PPP1R12B: variants seen among roughly 807,000 people sequenced by gnomAD.
The protein encoded by PPP1R12B is protein phosphatase 1 regulatory subunit 12B, also known as myosin phosphatase target subunit 2.
PPP1R12B carries 76 observed loss-of-function variants against 126.1 expected under a neutral mutation model. That is an observed-to-expected ratio of 0.60 (90% CI 0.50 to 0.73). The LOEUF is 0.73. Among genes scored for constraint, PPP1R12B ranks in the 30% least tolerant of loss-of-function variants. The pLI is 0.00. For synonymous variants in PPP1R12B, 356 were observed against 434.7 expected (o/e 0.82, Z 2.25); for missense variants, 1,052 against 1,205.1 (o/e 0.87, Z 1.88).
At chr1:202,441,931 A>G (rs767997951) in intron 11 of PPP1R12B, among the ~76,000 whole-genome samples, 31 of 151,726 alleles carry the variant, frequency 2.0e-4, no homozygotes, top group Non-Finnish European at 2.9e-5. Context: ...ATCTTGGCTC[A>G]TTGCAGCCTC....
chr1:202,516,850 T>G (rs1364960390), intron 18 of PPP1R12B, among the ~76,000 whole-genome samples: 1 of 152,256 alleles, frequency 6.6e-6, no homozygotes, highest in Non-Finnish European at 1.5e-5. Context: ...ATACTTCTGC[T>G]GCAAAGGAGC....
chr1:202,445,006 C>T, intron 12 of PPP1R12B: 2 of 1,243,982 alleles, frequency 1.6e-6, no homozygotes, highest in Non-Finnish European at 1.0e-6. Context: ...GGTGGGTGAG[C>T]AGCATGTCCT....
intron 1 of PPP1R12B, among the ~76,000 whole-genome samples, chr1:202,353,737 A>G (rs1039861041): frequency 7.2e-5 from 11 of 151,732 alleles, no homozygotes; most frequent in African/African-American, 2.7e-4. Context: ...CAGCCTCCTT[A>G]GTAACTGGGA....
intron 18 of PPP1R12B, among the ~76,000 whole-genome samples, chr1:202,555,436 C>A (rs1189672941): frequency 1.2e-5 from 1 of 86,718 alleles, no homozygotes; most frequent in Non-Finnish European, 2.3e-5. Context: ...TCTTACCCAA[C>A]AAATAGGATA....
chr1:202,405,384 A>G (rs1666460494), intron 1 of PPP1R12B, among the ~76,000 whole-genome samples: 1 of 152,198 alleles, frequency 6.6e-6, no homozygotes, highest in Non-Finnish European at 1.5e-5. Context: ...AGGAACTTAC[A>G]TAGAGCTTAT....
At chr1:202,456,135 G>A (rs2148740000) in intron 13 of PPP1R12B, among the ~76,000 whole-genome samples, 1 of 152,074 alleles carries the variant, frequency 6.6e-6, no homozygotes, top group Admixed American at 6.5e-5. Flanking sequence ...CAGGAGTGGT[G>A]ATGCACGCCT....
intron 12 of PPP1R12B, among the ~76,000 whole-genome samples, chr1:202,447,316 G>T (rs1572068128): frequency 6.6e-6 from 1 of 152,264 alleles, no homozygotes; most frequent in Non-Finnish European, 1.5e-5. Flanking sequence ...AGCTAGTGAG[G>T]GCCTGAGATA....
chr1:202,499,198 G>T (rs1679919963), intron 18 of PPP1R12B, among the ~76,000 whole-genome samples: 1 of 152,160 alleles, frequency 6.6e-6, no homozygotes, highest in Non-Finnish European at 1.5e-5. Flanking sequence ...AATCAGAAGA[G>T]TGGTTGCCTC....
intron 13 of PPP1R12B, among the ~76,000 whole-genome samples, chr1:202,479,871 A>C (rs192841470): frequency 4.3e-4 from 65 of 152,338 alleles, no homozygotes; most frequent in Admixed American, 7.8e-4. Flanking sequence ...AGTGGTTCTG[A>C]TACAAGTGAA....
intron 13 of PPP1R12B, among the ~76,000 whole-genome samples, chr1:202,477,238 G>A (rs1676784453): frequency 6.6e-6 from 1 of 152,130 alleles, no homozygotes; most frequent in Admixed American, 6.5e-5. Context: ...CGTGTGCCAG[G>A]TTCTATTCTA....
intron 23 of PPP1R12B, among the ~76,000 whole-genome samples, chr1:202,579,044 A>G (rs1321893586): frequency 6.6e-6 from 1 of 152,198 alleles, no homozygotes; most frequent in Non-Finnish European, 1.5e-5. Flanking sequence ...CGGGATAACA[A>G]CTGTATCATA....
chr1:202,433,543 C>T (rs1670445451), intron 8 of PPP1R12B, among the ~76,000 whole-genome samples: 1 of 152,188 alleles, frequency 6.6e-6, no homozygotes. Context: ...TCTAGCTGAC[C>T]TTTCCAATGC....
chr1:202,363,126 A>T (rs1479352442), intron 1 of PPP1R12B, among the ~76,000 whole-genome samples: 1 of 152,138 alleles, frequency 6.6e-6, no homozygotes, highest in African/African-American at 2.4e-5. Flanking sequence ...GAGCCACCAT[A>T]TCCAGCCTGT....
At position 202,580,572 on chromosome 1, in the gene PPP1R12B, G is replaced by C. The variant is rs755502906; in HGVS notation, c.*12G>C. The C allele has an allele frequency of 6.2e-7, 1 of 1,600,968 alleles. No homozygotes were observed. The highest frequency in any genetic ancestry group is 1.1e-5 in the South Asian group (1 of 90,820). On this transcript the variant is annotated 3_prime_UTR_variant, in exon 24 of 24. Coordinates refer to ENST00000608999, the MANE Select transcript of PPP1R12B (RefSeq NM_002481.4). ...AACTGTCCAAGTAGGCTAGGCTCCA[G>C]ATTTATGAGGAAAGAAAGGGACAGC...
At chr1:202,511,771 AT>A (rs772556181) in intron 18 of PPP1R12B, among the ~76,000 whole-genome samples, 25,064 of 107,804 alleles carry the variant, frequency 0.23, 1,821 homozygotes, top group Non-Finnish European at 0.25. Flanking sequence ...ATATACCACA[AT>A]TTTTTTTTTT....
At chr1:202,550,752 T>C (rs1686221938) in intron 18 of PPP1R12B, among the ~76,000 whole-genome samples, 1 of 152,200 alleles carries the variant, frequency 6.6e-6, no homozygotes, top group Non-Finnish European at 1.5e-5. Context: ...TCATCCTATA[T>C]AGTACACAGC....
intron 1 of PPP1R12B, among the ~76,000 whole-genome samples, chr1:202,386,501 T>C (rs185010806): frequency 6.6e-6 from 1 of 152,074 alleles, no homozygotes; most frequent in African/African-American, 2.4e-5. Context: ...CCAGCTAATT[T>C]TTTGTATTTT....
At chr1:202,364,701 C>T (rs554397003) in intron 1 of PPP1R12B, among the ~76,000 whole-genome samples, 83 of 152,174 alleles carry the variant, frequency 5.5e-4, no homozygotes, top group East Asian at 4.4e-3. Context: ...TTCAGCCTCC[C>T]GAGTAGCTGG....
Position 202,576,471 on chromosome 1 carries a change from T to C in PPP1R12B, c.2863-4003T>C, listed in dbSNP as rs554165379. The C allele has an allele frequency of 3.3e-5, 5 of 152,326 alleles. 1 individual carries two copies. The highest frequency in any genetic ancestry group is 1.2e-4 in the African/African-American group (5 of 41,574). The allele number at this position is 152,326 out of a possible 1,614,324, so 9.4% of individuals were successfully genotyped here. A position where few individuals can be genotyped will look rare whatever the true frequency, so the allele number is the denominator to read the frequency against. On this transcript the variant is annotated intron_variant, in intron 23 of 23. Coordinates refer to ENST00000608999, the MANE Select transcript of PPP1R12B (RefSeq NM_002481.4). ...TAGAACTGAATCACCCGAATTATCA[T>C]AGGGCTGAGCTAATATCCTGCTGTA...
Sources: gnomAD v4.1 joint callset for allele counts (sites outside exome capture counted in the v4.1 genomes callset) on GRCh38, gnomAD v4.1.1 for gene constraint, MANE v1.5 for transcripts, NCBI Gene and HGNC (gene_info 2026-07-23, HGNC 2026-07-21) for gene names.